Variants in ABCA13 observed in about 807,000 individuals in gnomAD.
The protein encoded by ABCA13 is ATP binding cassette subfamily A member 13, also known as ATP-binding cassette sub-family A member 13.
ABCA13 carries 476 observed loss-of-function variants against 478.7 expected under a neutral mutation model. The observed-to-expected ratio is 0.99, with a 90% confidence interval of 0.92 to 1.07. ABCA13 has a LOEUF of 1.07. Ranked by LOEUF, ABCA13 falls within the 50% of genes least tolerant of loss-of-function variation. ABCA13 has a pLI of 0.00. For missense variants in ABCA13, 6,060 were observed against 5,910.6 expected (o/e 1.03, Z -0.83); for synonymous variants, 2,252 against 2,158.9 (o/e 1.04, Z -1.20).
chr7:48,479,151 C>T (rs948379983), intron 45 of ABCA13, among the ~76,000 whole-genome samples: 1 of 151,476 alleles, frequency 6.6e-6, no homozygotes, highest in African/African-American at 2.4e-5. Context: ...GGGGTTTCAC[C>T]GTGTTAGCCA....
Position 48,483,157 on chromosome 7 carries a change from G to A in ABCA13, c.13176G>A (p.Leu4392=). ...ANGNISKPPT[L]AKVWYNQKGF... ...GAAACATATCAAAACCCCCAACTCT[G>A]GCAAAGGTAATCATATTTTTTTATT... Residue 4392 remains leucine, a synonymous_variant, in exon 47 of 62, where the codon CTG becomes CTA. Coordinates refer to ENST00000435803, the MANE Select transcript of ABCA13 (RefSeq NM_152701.5). 1 of 1,610,950 alleles carries A rather than the reference G, an allele frequency of 6.2e-7. No individual in the cohort carries two copies. The highest frequency in any genetic ancestry group is 8.5e-7 in the Non-Finnish European group (1 of 1,178,958).
intron 57 of ABCA13, among the ~76,000 whole-genome samples, chr7:48,592,311 T>G (rs1222408512): frequency 2.0e-5 from 3 of 151,994 alleles, no homozygotes; most frequent in East Asian, 3.8e-4. Context: ...TTTTTAAAAT[T>G]TTCTTTTTAA....
intron 1 of ABCA13, among the ~76,000 whole-genome samples, chr7:48,172,259 G>A (rs1288588517): frequency 6.6e-6 from 1 of 152,174 alleles, no homozygotes; most frequent in Non-Finnish European, 1.5e-5. Flanking sequence ...AGAAGTAGAT[G>A]TGCAGTAATT....
At chr7:48,522,258 C>T (rs942798409) in intron 53 of ABCA13, among the ~76,000 whole-genome samples, 8 of 152,178 alleles carry the variant, frequency 5.3e-5, no homozygotes, top group African/African-American at 9.7e-5. Flanking sequence ...GTCACCTGCA[C>T]CCACTGCTGG....
chr7:48,554,964 A>T (rs1315240034), intron 55 of ABCA13, among the ~76,000 whole-genome samples: 1 of 151,746 alleles, frequency 6.6e-6, no homozygotes, highest in Non-Finnish European at 1.5e-5. Context: ...TCAGTGTGAT[A>T]CTAGCTGTGG....
At chr7:48,197,289 C>T (rs1201948615) in intron 2 of ABCA13, among the ~76,000 whole-genome samples, 1 of 152,212 alleles carries the variant, frequency 6.6e-6, no homozygotes, top group African/African-American at 2.4e-5. Flanking sequence ...GAAGCGGTCA[C>T]AGACCCTGGG....
intron 27 of ABCA13, among the ~76,000 whole-genome samples, chr7:48,329,858 C>A (rs1804953834): frequency 6.6e-6 from 1 of 150,818 alleles, no homozygotes. Flanking sequence ...TCCATCCATC[C>A]ACACATTTGT....
intron 29 of ABCA13, among the ~76,000 whole-genome samples, chr7:48,341,725 CTG>C (rs1184099845): frequency 6.7e-6 from 1 of 148,660 alleles, no homozygotes; most frequent in Non-Finnish European, 1.5e-5. Flanking sequence ...TCCTTTTGCC[CTG>C]TGTGTGTGTA....
chr7:48,247,784 GC>G (rs1791926310), intron 13 of ABCA13, among the ~76,000 whole-genome samples: 1 of 151,992 alleles, frequency 6.6e-6, no homozygotes, highest in Admixed American at 6.6e-5. Flanking sequence ...CCACACACAA[GC>G]AAAAACAGGC....
intron 55 of ABCA13, among the ~76,000 whole-genome samples, chr7:48,539,039 C>T (rs906597393): frequency 1.3e-5 from 2 of 152,286 alleles, no homozygotes; most frequent in East Asian, 1.9e-4. Context: ...CAGGTTCAAT[C>T]CTTTGGCATG....
chr7:48,636,829 G>A (rs552082496), intron 59 of ABCA13, among the ~76,000 whole-genome samples: 1 of 152,238 alleles, frequency 6.6e-6, no homozygotes, highest in Non-Finnish European at 1.5e-5. Flanking sequence ...GCATCCAGTT[G>A]GAAAGTTCCA....
In ABCA13 at chr7:48,176,046, TA is replaced by T. The variant is rs540849563; in HGVS notation, c.69+4496del. 1.1e-4 allele frequency among the ~76,000 whole-genome samples: 16 copies of T among 152,300 alleles called. No homozygotes were observed. In the East Asian group the frequency reaches 2.7e-3, roughly 26 times the overall value. On this transcript the variant is annotated intron_variant, in intron 1 of 61. Transcript: ENST00000435803. ...TGTACTGTGGATGGTACACTTCCCC[TA>T]ATCTATCCTTCAAATCATGGAGCAG...
chr7:48,344,438 A>G (rs1045006693), intron 29 of ABCA13, among the ~76,000 whole-genome samples: 8 of 152,226 alleles, frequency 5.3e-5, no homozygotes, highest in African/African-American at 1.9e-4. Context: ...GATGCCTGCC[A>G]TGTCTGGGGT....
At chr7:48,190,055 A>G (rs1796888997) in intron 1 of ABCA13, among the ~76,000 whole-genome samples, 1 of 152,188 alleles carries the variant, frequency 6.6e-6, no homozygotes, top group African/African-American at 2.4e-5. Context: ...ATGTTTTTGC[A>G]TATCAGCTTG....
rs1156643955 is a variant in ABCA13, at chr7:48,637,381, C to CAAAAAAAAAAAAAAAAA, written c.14838-5898_14838-5882dup. 2.8e-3 allele frequency among the ~76,000 whole-genome samples: 56 copies of CAAAAAAAAAAAAAAAAA among 20,258 alleles called. 6 individuals are homozygous for CAAAAAAAAAAAAAAAAA. The highest frequency in any genetic ancestry group is 3.3e-3 in the Admixed American group (4 of 1,224). 13.3% of individuals were successfully genotyped at this position (20,258 alleles called of 152,430 possible). On this transcript the variant is annotated intron_variant, in intron 59 of 61. Transcript: ENST00000435803. ...TGTTTTCTTTATTATGTTCATAAAGCAAAAAAAAAAAAAAAAAAAAAAAAA... is the reference window on the plus strand; with the variant it reads ...TGTTTTCTTTATTATGTTCATAAAGCAAAAAAAAAAAAAAAAAAAAAAAAAAAAAAAAAAAAAAAAAA...
intron 35 of ABCA13, among the ~76,000 whole-genome samples, chr7:48,381,332 A>G (rs887769533): frequency 1.1e-4 from 17 of 151,868 alleles, no homozygotes; most frequent in Non-Finnish European, 1.8e-4. Context: ...GGCAGGTGAG[A>G]AATTTCTCTC....
chr7:48,520,316 C>T, intron 53 of ABCA13, 22 bp downstream of exon 53: 1 of 1,587,116 alleles, frequency 6.3e-7, no homozygotes, highest in Non-Finnish European at 8.6e-7. Flanking sequence ...AGGACTCATC[C>T]TCGAGCTGCA....
chr7:48,343,083 T>A (rs1807491923), intron 29 of ABCA13, among the ~76,000 whole-genome samples: 1 of 152,054 alleles, frequency 6.6e-6, no homozygotes, highest in Non-Finnish European at 1.5e-5. Context: ...GGTATTTTTT[T>A]AGTCTATTTT....
chr7:48,484,584 T>G (rs1829102879), intron 47 of ABCA13, among the ~76,000 whole-genome samples: 1 of 152,204 alleles, frequency 6.6e-6, no homozygotes, highest in African/African-American at 2.4e-5. Context: ...TGCTTTGAAG[T>G]GTCTGAGGCA....
Sources: allele counts gnomAD v4.1 joint callset (sites outside exome capture counted in the v4.1 genomes callset), GRCh38; gene constraint gnomAD v4.1.1; transcripts MANE v1.5; gene names NCBI Gene and HGNC (gene_info 2026-07-23, HGNC 2026-07-21).